Variants in EPS15 observed in about 807,000 individuals in gnomAD.
EPS15 encodes epidermal growth factor receptor substrate 15.
EPS15 carries 72 observed loss-of-function variants against 113.8 expected under a neutral mutation model. That is an observed-to-expected ratio of 0.63 (90% CI 0.52 to 0.77). EPS15 has a LOEUF of 0.77. Ranked by LOEUF, EPS15 falls within the 30% of genes least tolerant of loss-of-function variation. The pLI, the probability that EPS15 is intolerant of heterozygous loss-of-function variation, is 0.00. For missense variants in EPS15, 1,048 were observed against 1,045.8 expected, an observed-to-expected ratio of 1.00 and a Z score of -0.03; for synonymous variants, 344 against 363.4, an observed-to-expected ratio of 0.95 and a Z score of 0.61.
rs375812621 is a variant in EPS15, at chr1:51,373,734, T to C, written c.2120-7705A>G. Reference sequence around the variant, plus strand: ...CCTTCAAAGACACAATTAAATGGCTTGAGGTCAGGAGTTCGAGACCAGCCT... The same window carrying C: ...CCTTCAAAGACACAATTAAATGGCTCGAGGTCAGGAGTTCGAGACCAGCCT... On this transcript the variant is annotated intron_variant, in intron 21 of 24. Coordinates refer to ENST00000371733, the MANE Select transcript of EPS15 (RefSeq NM_001981.3). Among the ~76,000 whole-genome samples the C allele has an allele frequency of 7.2e-5, 11 of 152,250 alleles. No individual in the cohort carries two copies. The East Asian group carries it at 1.9e-3, about 27-fold the overall frequency.
chr1:51,389,372 G>C (rs1235217262), intron 21 of EPS15, among the ~76,000 whole-genome samples: 1 of 152,136 alleles, frequency 6.6e-6, no homozygotes, highest in African/African-American at 2.4e-5. Flanking sequence ...ATACTGAATG[G>C]GCAAAAACTG....
intron 24 of EPS15, among the ~76,000 whole-genome samples, chr1:51,358,055 C>T (rs1313091727): frequency 6.6e-6 from 1 of 152,130 alleles, no homozygotes; most frequent in African/African-American, 2.4e-5. Context: ...TGGCTGACAT[C>T]TGTAATCCTA....
At chr1:51,432,781 T>A (rs1387364814) in intron 12 of EPS15, among the ~76,000 whole-genome samples, 2 of 152,132 alleles carry the variant, frequency 1.3e-5, no homozygotes, top group African/African-American at 2.4e-5. Flanking sequence ...TTAATGATGA[T>A]CTATACACTT....
At chr1:51,356,937 G>T in intron 24 of EPS15, 91 bp from the exon 25 acceptor site, 1 of 1,063,868 alleles carries the variant, frequency 9.4e-7, no homozygotes, top group Non-Finnish European at 1.4e-6. Context: ...AAGGACACCT[G>T]AAGGACTCTG....
intron 5 of EPS15, among the ~76,000 whole-genome samples, chr1:51,466,280 A>G (rs1654833960): frequency 6.6e-6 from 1 of 151,846 alleles, no homozygotes; most frequent in South Asian, 2.1e-4. Context: ...TATTTAATAA[A>G]CTGTATTGAC....
chr1:51,477,954 T>C (rs566299836), intron 2 of EPS15, among the ~76,000 whole-genome samples: 2 of 152,326 alleles, frequency 1.3e-5, no homozygotes, highest in South Asian at 2.1e-4. Context: ...GAGAGTTCTG[T>C]AGAGGTCTAT....
chr1:51,476,198 T>A (rs1378997970), intron 2 of EPS15, among the ~76,000 whole-genome samples: 1 of 152,180 alleles, frequency 6.6e-6, no homozygotes, highest in Non-Finnish European at 1.5e-5. Flanking sequence ...CCATTTTTGG[T>A]TCCATATGAA....
At chr1:51,430,703 C>G (rs946290932) in intron 12 of EPS15, among the ~76,000 whole-genome samples, 3 of 152,046 alleles carry the variant, frequency 2.0e-5, no homozygotes, top group African/African-American at 4.8e-5. Context: ...CAACTGTAAT[C>G]TGAACACTTT....
At chr1:51,386,605 C>T (rs989603806) in intron 21 of EPS15, among the ~76,000 whole-genome samples, 3 of 152,084 alleles carry the variant, frequency 2.0e-5, no homozygotes, top group Admixed American at 6.6e-5. Flanking sequence ...GAAAGGACAT[C>T]CACACCAAAA....
At position 51,431,451 on chromosome 1, in the gene EPS15, CT is replaced by C. The variant is rs764383254; in HGVS notation, c.1040+8895del. On this transcript the variant is annotated intron_variant, in intron 12 of 24. Coordinates refer to ENST00000371733, the MANE Select transcript of EPS15 (RefSeq NM_001981.3). The stretch of plus-strand genomic sequence containing the variant: ...TTACAAAGGTGAAATAATTTCTTTT[CT>C]TTTTTTTTTTGGAGACAGAGTCTCA... Among the ~76,000 whole-genome samples, 932 of 144,586 alleles carry C rather than the reference CT, an allele frequency of 6.4e-3. 8 individuals are homozygous for C. The highest frequency in any genetic ancestry group is 8.1e-3 in the Non-Finnish European group (526 of 65,256). The allele number at this position is 144,586 out of a possible 152,430, so 94.9% of individuals were successfully genotyped here. A position where few individuals can be genotyped will look rare whatever the true frequency, so the allele number is the denominator to read the frequency against.
At chr1:51,479,644 TTTTACTC>T (rs1255061735) in intron 2 of EPS15, among the ~76,000 whole-genome samples, 1 of 152,246 alleles carries the variant, frequency 6.6e-6, no homozygotes, top group African/African-American at 2.4e-5. Flanking sequence ...TATGGAATGT[TTTTACTC>T]TTTATAGCAA....
intron 21 of EPS15, among the ~76,000 whole-genome samples, chr1:51,380,057 GAA>G (rs149612289): frequency 1.3e-4 from 17 of 130,576 alleles, no homozygotes; most frequent in South Asian, 5.0e-4. Flanking sequence ...CTGCTTCCAG[GAA>G]AAAAAAAAAA....
At chr1:51,508,241 AG>A (rs66868441) in intron 1 of EPS15, among the ~76,000 whole-genome samples, 2,869 of 65,716 alleles carry the variant, frequency 0.044, 43 homozygotes, top group East Asian at 0.062. Context: ...AAGAAAAGAA[AG>A]AGAGAAAGAG....
intron 12 of EPS15, among the ~76,000 whole-genome samples, chr1:51,434,277 A>C (rs1343739230): frequency 1.3e-5 from 2 of 152,204 alleles, no homozygotes; most frequent in Non-Finnish European, 2.9e-5. Flanking sequence ...ATAATAGCTA[A>C]AATGTGGAAA....
chr1:51,456,626 G>A lies in EPS15; in HGVS notation c.561+4465C>T, dbSNP rs79681318. Among the ~76,000 whole-genome samples the A allele has an allele frequency of 1.8e-3, 268 of 152,214 alleles. 3 individuals carry two copies. The East Asian group carries it at 0.046, about 26-fold the overall frequency. On this transcript the variant is annotated intron_variant, in intron 8 of 24. Transcript: ENST00000371733. ...TTTAAAATGTTCAGATCTTAGCTACGTCACTACTGCAAAAGTATTTTTTAA... is the reference window on the plus strand; with the variant it reads ...TTTAAAATGTTCAGATCTTAGCTACATCACTACTGCAAAAGTATTTTTTAA...
chr1:51,456,287 C>G (rs1437425116), intron 8 of EPS15, among the ~76,000 whole-genome samples: 5 of 152,140 alleles, frequency 3.3e-5, no homozygotes, highest in Non-Finnish European at 7.4e-5. Context: ...TTCAACACCC[C>G]AAGTTAGAGT....
At chr1:51,443,512 C>T (rs1652762457) in intron 11 of EPS15, among the ~76,000 whole-genome samples, 1 of 151,912 alleles carries the variant, frequency 6.6e-6, no homozygotes, top group African/African-American at 2.4e-5. Flanking sequence ...AGGCCCCCCC[C>T]ATAACTCACA....
intron 13 of EPS15, among the ~76,000 whole-genome samples, chr1:51,410,595 T>C (rs1649618655): frequency 6.6e-6 from 1 of 152,120 alleles, no homozygotes; most frequent in Non-Finnish European, 1.5e-5. Flanking sequence ...ACAGAAATTT[T>C]TAAAAAGCCA....
chr1:51,459,864 G>A (rs1346304558), intron 8 of EPS15, among the ~76,000 whole-genome samples: 1 of 151,526 alleles, frequency 6.6e-6, no homozygotes, highest in Non-Finnish European at 1.5e-5. Flanking sequence ...TGTATTCAAG[G>A]GTGAATATAT....
Sources: allele counts gnomAD v4.1 joint callset (sites outside exome capture counted in the v4.1 genomes callset), GRCh38; gene constraint gnomAD v4.1.1; transcripts MANE v1.5; gene names NCBI Gene and HGNC (gene_info 2026-07-23, HGNC 2026-07-21).